GULP1: variants seen among roughly 807,000 people sequenced by gnomAD.
The protein encoded by GULP1 is PTB domain-containing engulfment adapter protein 1.
In GULP1, 19 loss-of-function variants were observed where a neutral mutation model predicts 40.9. The observed-to-expected ratio is 0.46, with a 90% CI of 0.32 to 0.68. The LOEUF is 0.68. Ranked by LOEUF, GULP1 falls within the 30% of genes least tolerant of loss-of-function variation. The pLI, the probability that GULP1 is intolerant of heterozygous loss-of-function variation, is 0.03. For missense variants in GULP1, 312 were observed against 362.2 expected (o/e 0.86, Z 1.12); for synonymous variants, 119 against 117.6 (o/e 1.01, Z -0.08).
At chr2:188,511,152 C>T (rs2064495880) in intron 4 of GULP1, among the ~76,000 whole-genome samples, 2 of 152,092 alleles carry the variant, frequency 1.3e-5, no homozygotes, top group Admixed American at 6.6e-5. Context: ...TATTCGGAAA[C>T]TCATTTTATC....
chr2:188,440,906 A>C (rs929967188), intron 2 of GULP1, among the ~76,000 whole-genome samples: 1 of 152,204 alleles, frequency 6.6e-6, no homozygotes, highest in Non-Finnish European at 1.5e-5. Flanking sequence ...CTTATTAGTC[A>C]GTCTTCAGAT....
At chr2:188,373,340 T>C (rs1295308001) in intron 1 of GULP1, among the ~76,000 whole-genome samples, 1 of 151,924 alleles carries the variant, frequency 6.6e-6, no homozygotes, top group Non-Finnish European at 1.5e-5. Flanking sequence ...TTTTATTTAT[T>C]TAATAGTTGA....
intron 1 of GULP1, among the ~76,000 whole-genome samples, chr2:188,298,454 A>G (rs1172899439): frequency 1.3e-5 from 2 of 152,084 alleles, no homozygotes; most frequent in Non-Finnish European, 2.9e-5. Context: ...ATTTTATTTG[A>G]AATTACGTAA....
chr2:188,550,049 A>G (rs185720937), intron 7 of GULP1, among the ~76,000 whole-genome samples: 13 of 151,860 alleles, frequency 8.6e-5, no homozygotes, highest in African/African-American at 2.9e-4. Flanking sequence ...CCTGATTGCA[A>G]TTGGTACTAT....
At chr2:188,447,817 G>C (rs1446102320) in intron 2 of GULP1, among the ~76,000 whole-genome samples, 1 of 152,102 alleles carries the variant, frequency 6.6e-6, no homozygotes, top group Admixed American at 6.5e-5. Flanking sequence ...TGAACCTGCT[G>C]GTTTTATTTT....
chr2:188,589,719 T>C, intron 11 of GULP1: 10 of 1,347,212 alleles, frequency 7.4e-6, no homozygotes, highest in Non-Finnish European at 1.0e-5. Flanking sequence ...TTAAATTCTT[T>C]ACTGCTTTCA....
At chr2:188,300,863 T>G (rs1456742520) in intron 1 of GULP1, among the ~76,000 whole-genome samples, 2 of 152,190 alleles carry the variant, frequency 1.3e-5, no homozygotes, top group Non-Finnish European at 1.5e-5. Context: ...ACTTGAAAAT[T>G]GACAATACTG....
intron 1 of GULP1, among the ~76,000 whole-genome samples, chr2:188,313,354 C>A (rs1344057034): frequency 1.3e-5 from 2 of 152,086 alleles, no homozygotes; most frequent in Non-Finnish European, 2.9e-5. Context: ...CCAGTTGCAC[C>A]ATTTACTGAA....
chr2:188,387,660 G>A (rs925099085), intron 2 of GULP1, among the ~76,000 whole-genome samples: 5 of 152,130 alleles, frequency 3.3e-5, no homozygotes, highest in African/African-American at 1.2e-4. Flanking sequence ...ACATTTAAAT[G>A]GAGAGTCAAC....
intron 2 of GULP1, among the ~76,000 whole-genome samples, chr2:188,394,106 C>T (rs900187782): frequency 1.3e-5 from 2 of 152,070 alleles, no homozygotes; most frequent in African/African-American, 2.4e-5. Context: ...CAATTATTCA[C>T]TCAAAATAAG....
intron 1 of GULP1, among the ~76,000 whole-genome samples, chr2:188,377,072 T>C (rs1359588884): frequency 6.6e-6 from 1 of 151,732 alleles, no homozygotes; most frequent in Non-Finnish European, 1.5e-5. Flanking sequence ...CTTGGGAGGC[T>C]GAGGCAGGAG....
At chr2:188,356,810 A>G (rs184407305) in intron 1 of GULP1, among the ~76,000 whole-genome samples, 69 of 152,264 alleles carry the variant, frequency 4.5e-4, no homozygotes, top group Middle Eastern at 3.4e-3. Context: ...TTCAAAATAT[A>G]CTATGAAGTG....
intron 1 of GULP1, among the ~76,000 whole-genome samples, chr2:188,312,652 G>A (rs943297408): frequency 2.0e-5 from 3 of 152,102 alleles, no homozygotes; most frequent in Admixed American, 6.5e-5. Context: ...AATCCTTTGA[G>A]TAAATACCCG....
chr2:188,447,432 A>G (rs1436941772), intron 2 of GULP1, among the ~76,000 whole-genome samples: 2 of 152,052 alleles, frequency 1.3e-5, no homozygotes, highest in African/African-American at 4.8e-5. Context: ...GGGCCTTATA[A>G]GTTTTTTTAT....
At chr2:188,293,787 A>T (rs2034324200) in intron 1 of GULP1, 1 of 152,318 alleles carries the variant, frequency 6.6e-6, no homozygotes, top group South Asian at 2.1e-4. Context: ...GACAAGGAAA[A>T]AAAGAGAGGA....
intron 1 of GULP1, among the ~76,000 whole-genome samples, chr2:188,297,876 T>TA (rs1205267729): frequency 6.6e-6 from 1 of 152,144 alleles, no homozygotes; most frequent in African/African-American, 2.4e-5. Flanking sequence ...AAATTTGGGA[T>TA]AAAAAATTGA....
At chr2:188,399,370 A>C (rs1020095144) in intron 2 of GULP1, among the ~76,000 whole-genome samples, 1 of 152,114 alleles carries the variant, frequency 6.6e-6, no homozygotes, top group Admixed American at 6.6e-5. Context: ...AGAATGGCTG[A>C]GTTTGAGTCA....
intron 7 of GULP1, among the ~76,000 whole-genome samples, chr2:188,548,371 G>T (rs1692523560): frequency 6.6e-6 from 1 of 151,986 alleles, no homozygotes; most frequent in African/African-American, 2.4e-5. Flanking sequence ...AAAAGAAGTG[G>T]AATACATAGG....
At chr2:188,489,497 G>A (rs1466895245) in intron 4 of GULP1, among the ~76,000 whole-genome samples, 3 of 151,882 alleles carry the variant, frequency 2.0e-5, no homozygotes, top group African/African-American at 7.2e-5. Flanking sequence ...CATTTTATTA[G>A]ATTTTAGAAC....
Sources: gnomAD v4.1 joint callset for allele counts (sites outside exome capture counted in the v4.1 genomes callset) on GRCh38, gnomAD v4.1.1 for gene constraint, MANE v1.5 for transcripts, NCBI Gene and HGNC (gene_info 2026-07-23, HGNC 2026-07-21) for gene names.